Variants in NFS1 observed in about 807,000 individuals in gnomAD.
NFS1 encodes NFS1 cysteine desulfurase, also known as cysteine desulfurase.
A neutral mutation model predicts 57.3 loss-of-function variants in NFS1; 26 were observed. The observed-to-expected ratio is 0.45, with a 90% confidence interval of 0.33 to 0.63. The LOEUF is 0.63. Among genes scored for constraint, NFS1 ranks in the 20% least tolerant of loss-of-function variants. The pLI is 0.02. For missense variants in NFS1, 505 were observed against 605.8 expected (o/e 0.83, Z 1.75); for synonymous variants, 209 against 216.3 (o/e 0.97, Z 0.30).
chr20:35,698,183 G>A (rs1421754872), intron 2 of NFS1, among the ~76,000 whole-genome samples: 1 of 152,188 alleles, frequency 6.6e-6, no homozygotes, highest in Non-Finnish European at 1.5e-5. Context: ...CTTTTAACCC[G>A]TTTAATACTT....
At chr20:35,692,527 T>A (rs147185841) in intron 4 of NFS1, among the ~76,000 whole-genome samples, 2,592 of 42,688 alleles carry the variant, frequency 0.061, 181 homozygotes, top group African/African-American at 0.18. Flanking sequence ...TCATCTATAC[T>A]AAAAAAAAAA....
chr20:35,674,162 CT>C lies in NFS1; in HGVS notation c.1136+187del, dbSNP rs1333823155. 5 of 595,162 alleles carry C rather than the reference CT, an allele frequency of 8.4e-6. No homozygotes were observed. The East Asian group carries it at 1.4e-4, about 17-fold the overall frequency. The allele number at this position is 595,162 out of a possible 1,614,324, so 36.9% of individuals were successfully genotyped here. A position where few individuals can be genotyped will look rare whatever the true frequency, so the allele number is the denominator to read the frequency against. ...CAAAATTCTACCCCAGGAAGTCTTCCTAGGGTGGTAAACTTCAGTCTGTACC... is the reference window on the plus strand; with the variant it reads ...CAAAATTCTACCCCAGGAAGTCTTCCAGGGTGGTAAACTTCAGTCTGTACC... On this transcript the variant is annotated intron_variant, in intron 10 of 12. Transcript: ENST00000374092.
At chr20:35,689,929 C>CAAA (rs779636716) in intron 5 of NFS1, among the ~76,000 whole-genome samples, 1,506 of 70,906 alleles carry the variant, frequency 0.021, 74 homozygotes, top group African/African-American at 0.08. Context: ...GACTCTGCCT[C>CAAA]AAAAAAAAAA....
chr20:35,688,970 G>C (rs1252879290), intron 5 of NFS1, among the ~76,000 whole-genome samples: 6 of 152,144 alleles, frequency 3.9e-5, no homozygotes, highest in African/African-American at 1.4e-4. Context: ...GGATTGAGGG[G>C]TCCATCTACA....
Position 35,681,971 on chromosome 20 carries a change from G to A in NFS1, c.572C>T (p.Ala191Val), listed in dbSNP as rs1179002974. 6.2e-7 allele frequency: 1 copy of A among 1,606,294 alleles called. No homozygotes were observed. The highest frequency in any genetic ancestry group is 8.5e-7 in the Non-Finnish European group (1 of 1,173,046). ...SGIIDLKELEAAIQPDTSLVS... is the reference protein window; with the variant it reads ...SGIIDLKELEVAIQPDTSLVS... ...CAGGCTAGTATCTGGCTGGATAGCAGCCTCTAGTTCCTAGGGATATGCAGG... is the reference window on the plus strand; with the variant it reads ...CAGGCTAGTATCTGGCTGGATAGCAACCTCTAGTTCCTAGGGATATGCAGG... The change falls in exon 6 of 13, where the codon GCT (alanine) becomes GTT (valine). Residue 191 changes from alanine (A) to valine (V), a missense_variant. Ala to Val is a moderately conservative substitution (Grantham distance 64, BLOSUM62 0). Transcript: ENST00000374092.
intron 4 of NFS1, among the ~76,000 whole-genome samples, chr20:35,693,062 C>T (rs770457826): frequency 6.6e-6 from 1 of 151,660 alleles, no homozygotes; most frequent in Admixed American, 6.6e-5. Context: ...GACTGGGGTC[C>T]TTGGGGAAGG....
At chr20:35,671,121 T>C (rs1017526264) in intron 12 of NFS1, among the ~76,000 whole-genome samples, 1 of 152,202 alleles carries the variant, frequency 6.6e-6, no homozygotes, top group South Asian at 2.1e-4. Context: ...ATTGATTGAT[T>C]GAGACAGAGT....
At chr20:35,698,414 T>G in intron 2 of NFS1, 67 bp downstream of exon 2, 1 of 1,214,592 alleles carries the variant, frequency 8.2e-7, no homozygotes, top group Non-Finnish European at 1.2e-6. Flanking sequence ...GATTCAGCCA[T>G]TTCTTTGCGT....
chr20:35,686,822 T>C (rs2034952138), intron 5 of NFS1, among the ~76,000 whole-genome samples: 1 of 152,152 alleles, frequency 6.6e-6, no homozygotes, highest in South Asian at 2.1e-4. Flanking sequence ...ATACTAGATA[T>C]AGATCTTAGA....
intron 4 of NFS1, chr20:35,694,887 TA>T (rs752851196): frequency 6.2e-3 from 826 of 133,508 alleles, no homozygotes; most frequent in South Asian, 0.017. Context: ...AGACTCAGTC[TA>T]AAAAAAAAAA....
intron 3 of NFS1, among the ~76,000 whole-genome samples, chr20:35,697,437 C>A (rs1462358958): frequency 6.6e-6 from 1 of 152,128 alleles, no homozygotes; most frequent in Non-Finnish European, 1.5e-5. Context: ...GAAACTACCA[C>A]AATCTCTGTT....
chr20:35,695,650 G>A (rs2035119832), intron 4 of NFS1, among the ~76,000 whole-genome samples: 1 of 152,134 alleles, frequency 6.6e-6, no homozygotes. Flanking sequence ...AGAAACAGGA[G>A]GAACTTGTTG....
At chr20:35,694,370 C>T (rs1487547571) in intron 4 of NFS1, among the ~76,000 whole-genome samples, 1 of 152,068 alleles carries the variant, frequency 6.6e-6, no homozygotes, top group Non-Finnish European at 1.5e-5. Context: ...GTCTCGAACT[C>T]CTGATCTCAG....
chr20:35,684,527 G>A (rs1411503550), intron 5 of NFS1, among the ~76,000 whole-genome samples: 1 of 151,746 alleles, frequency 6.6e-6, no homozygotes, highest in Non-Finnish European at 1.5e-5. Flanking sequence ...GAAATAGGTG[G>A]ATCATTTGAG....
At chr20:35,687,549 G>A (rs1311462355) in intron 5 of NFS1, among the ~76,000 whole-genome samples, 1 of 152,056 alleles carries the variant, frequency 6.6e-6, no homozygotes, top group Non-Finnish European at 1.5e-5. Context: ...CCTTTGTCTT[G>A]TATCCAATAA....
In NFS1 at chr20:35,697,730, T is replaced by C. The variant is rs1463021083; in HGVS notation, c.278A>G (p.His93Arg). 1 of 1,613,868 alleles carries C rather than the reference T, an allele frequency of 6.2e-7. No homozygotes were observed. The highest frequency in any genetic ancestry group is 1.3e-5 in the African/African-American group (1 of 74,908). ...TGCCTCACTCTCCCAGCCATAAGCA[T>C]GTGTCCGGGAGTGTGGGTTCCCATA... Reference protein sequence around the residue: ...NYYGNPHSRTHAYGWESEAAM... With the variant: ...NYYGNPHSRTRAYGWESEAAM... Residue 93 changes from histidine to arginine, a missense_variant, in exon 3 of 13, where the codon CAT becomes CGT. By Grantham distance (29) the His-to-Arg change is conservative. Coordinates refer to ENST00000374092, the MANE Select transcript of NFS1 (RefSeq NM_021100.5).
At chr20:35,693,361 G>A (rs748822204) in intron 4 of NFS1, among the ~76,000 whole-genome samples, 4 of 152,026 alleles carry the variant, frequency 2.6e-5, no homozygotes, top group Non-Finnish European at 5.9e-5. Flanking sequence ...GCCTCCCAAT[G>A]TGCTAAGATC....
chr20:35,683,460 C>T (rs1021916449), intron 5 of NFS1, among the ~76,000 whole-genome samples: 1 of 151,032 alleles, frequency 6.6e-6, no homozygotes, highest in African/African-American at 2.4e-5. Context: ...CCAGCCTGGG[C>T]AACAGAGTGA....
chr20:35,688,252 G>GA (rs1208376021), intron 5 of NFS1, among the ~76,000 whole-genome samples: 49 of 138,138 alleles, frequency 3.5e-4, no homozygotes, highest in Middle Eastern at 4.5e-3. Flanking sequence ...TCCATCTCAA[G>GA]AAAAAAAAAA....
Sources: gnomAD v4.1 joint callset for allele counts (sites outside exome capture counted in the v4.1 genomes callset) on GRCh38, gnomAD v4.1.1 for gene constraint, MANE v1.5 for transcripts, NCBI Gene and HGNC (gene_info 2026-07-23, HGNC 2026-07-21) for gene names.